The following CNTN1 variants were observed in gnomAD, a reference collection of about 807,000 sequenced individuals.
The protein encoded by CNTN1 is contactin 1.
In CNTN1, 38 loss-of-function variants were observed where a neutral mutation model predicts 126.4. The observed-to-expected ratio is 0.30, with a 90% CI of 0.23 to 0.39. CNTN1 has a LOEUF of 0.39. Ranked by LOEUF, CNTN1 falls within the 10% of genes least tolerant of loss-of-function variation. The pLI is 1.00. For synonymous variants in CNTN1, 413 were observed against 422.6 expected (o/e 0.98, Z 0.28); for missense variants, 1,009 against 1,248.4 (o/e 0.81, Z 2.89).
chr12:40,807,986 C>G (rs1406440020), intron 1 of CNTN1, among the ~76,000 whole-genome samples: 1 of 152,078 alleles, frequency 6.6e-6, no homozygotes, highest in Non-Finnish European at 1.5e-5. Context: ...TTTCCAAATT[C>G]TTTGTTTACT....
At chr12:41,051,272 C>G (rs1028322041) in intron 23 of CNTN1, among the ~76,000 whole-genome samples, 4 of 151,382 alleles carry the variant, frequency 2.6e-5, no homozygotes, top group African/African-American at 9.7e-5. Context: ...CTCAGCCTCC[C>G]AAGTAGCTGG....
chr12:41,034,150 T>C lies in CNTN1; in HGVS notation c.2980+4931T>C, dbSNP rs183449932. On this transcript the variant is annotated intron_variant, in intron 23 of 23. Coordinates refer to ENST00000551295, the MANE Select transcript of CNTN1 (RefSeq NM_001843.4). ...TAGATTCTAAAAGAGCAAGGCATTTTTTCCATTTGATTTAAAGTTACTATA... is the reference window on the plus strand; with the variant it reads ...TAGATTCTAAAAGAGCAAGGCATTTCTTCCATTTGATTTAAAGTTACTATA... Among the ~76,000 whole-genome samples the C allele has an allele frequency of 3.7e-4, 57 of 152,332 alleles. 1 individual carries two copies. In the East Asian group the frequency reaches 9.6e-3, roughly 26 times the overall value.
chr12:41,010,659 T>C lies in CNTN1; in HGVS notation c.2114-3569T>C, dbSNP rs75514788. Among the ~76,000 whole-genome samples, 616 of 152,318 alleles carry C rather than the reference T, an allele frequency of 4.0e-3. 4 individuals carry two copies. Among genetic ancestry groups the C allele is most frequent in the African/African-American group, 0.014 (589 of 41,572 alleles). On this transcript the variant is annotated intron_variant, in intron 17 of 23. Coordinates refer to ENST00000551295, the MANE Select transcript of CNTN1 (RefSeq NM_001843.4). Reference sequence around the variant, plus strand: ...CTTAGGATGAGCTGTCCTCGACTGATTCAGGGGATAAAGGTATGTTTTATG... The same window carrying C: ...CTTAGGATGAGCTGTCCTCGACTGACTCAGGGGATAAAGGTATGTTTTATG...
chr12:41,070,259 G>T lies in CNTN1; in HGVS notation c.*224G>T. The T allele has an allele frequency of 1.7e-6, 1 of 573,176 alleles. No individual in the cohort carries two copies. The highest frequency in any genetic ancestry group is 3.1e-6 in the Non-Finnish European group (1 of 320,260). 35.5% of individuals were successfully genotyped at this position (573,176 alleles called of 1,614,324 possible). A position where few individuals can be genotyped will look rare whatever the true frequency, so the allele number is the denominator to read the frequency against. The stretch of plus-strand genomic sequence containing the variant: ...AATGGATATAAATGATTTTTAACTC[G>T]TTCCAATATGCCTTATAAACCACTT... On this transcript the variant is annotated 3_prime_UTR_variant, in exon 24 of 24. Transcript: ENST00000551295.
intron 1 of CNTN1, among the ~76,000 whole-genome samples, chr12:40,818,895 C>T (rs1941345873): frequency 6.6e-6 from 1 of 151,866 alleles, no homozygotes; most frequent in African/African-American, 2.4e-5. Context: ...CTATTTTTGT[C>T]ACTTTGTCCT....
intron 16 of CNTN1, among the ~76,000 whole-genome samples, chr12:40,981,714 A>G (rs1947827289): frequency 6.6e-6 from 1 of 152,084 alleles, no homozygotes; most frequent in Admixed American, 6.6e-5. Context: ...ACAATATCAC[A>G]CATTAATACA....
chr12:41,027,945 T>G lies in CNTN1; in HGVS notation c.2799T>G (p.Asn933Lys). ...ITWDHVVALS[N>K]ESTVTGYKVL... The stretch of plus-strand genomic sequence containing the variant: ...GGGATCATGTCGTTGCACTATCAAA[T>G]GAATCTACAGTGACGGGATATAAGG... Residue 933 changes from asparagine (N) to lysine (K), a missense_variant, in exon 22 of 24, where the codon AAT becomes AAG. By Grantham distance (94) the Asn-to-Lys change is moderately conservative. Coordinates refer to ENST00000551295, the MANE Select transcript of CNTN1 (RefSeq NM_001843.4). 1 of 1,607,464 alleles carries G rather than the reference T, an allele frequency of 6.2e-7. No individual in the cohort carries two copies. Among genetic ancestry groups the G allele is most frequent in the Non-Finnish European group, 8.5e-7 (1 of 1,173,994 alleles).
At chr12:40,860,368 C>T (rs749944272) in intron 1 of CNTN1, among the ~76,000 whole-genome samples, 14 of 151,992 alleles carry the variant, frequency 9.2e-5, no homozygotes, top group Non-Finnish European at 2.1e-4. Context: ...CTCTGGACAC[C>T]AACTGGGTGT....
chr12:40,831,258 T>C (rs561163404), intron 1 of CNTN1, among the ~76,000 whole-genome samples: 14 of 150,992 alleles, frequency 9.3e-5, no homozygotes, highest in African/African-American at 3.4e-4. Context: ...TAGTTACAGA[T>C]TACTTATGGA....
chr12:40,800,896 A>G (rs1316570638), intron 1 of CNTN1, among the ~76,000 whole-genome samples: 1 of 152,012 alleles, frequency 6.6e-6, no homozygotes, highest in Non-Finnish European at 1.5e-5. Context: ...AGAGAATTCA[A>G]GTAGGTTAGG....
At chr12:40,915,422 C>T (rs1212691127) in intron 3 of CNTN1, among the ~76,000 whole-genome samples, 2 of 152,138 alleles carry the variant, frequency 1.3e-5, no homozygotes, top group Non-Finnish European at 2.9e-5. Flanking sequence ...GAAGCAGACA[C>T]TAGACAGGCC....
chr12:41,028,017 G>T, intron 22 of CNTN1, 48 bp downstream of exon 22: 1 of 1,344,578 alleles, frequency 7.4e-7, no homozygotes, highest in Non-Finnish European at 1.1e-6. Flanking sequence ...TGCTATTTCA[G>T]TGAAACCCAA....
intron 1 of CNTN1, among the ~76,000 whole-genome samples, chr12:40,858,775 C>T (rs960025754): frequency 4.6e-5 from 7 of 152,130 alleles, no homozygotes; most frequent in South Asian, 2.1e-4. Flanking sequence ...GGTATATATA[C>T]ACCATGGAAT....
intron 15 of CNTN1, chr12:40,972,573 A>G: frequency 6.5e-6 from 5 of 774,194 alleles, no homozygotes; most frequent in Non-Finnish European, 7.8e-6. Context: ...ATATAGTTTA[A>G]CTTTAAAAAT....
At chr12:40,979,191 G>C (rs185897292) in intron 15 of CNTN1, 3 of 151,974 alleles carry the variant, frequency 2.0e-5, no homozygotes, top group Non-Finnish European at 4.4e-5. Context: ...ATAAAAGTTC[G>C]CTTGCTTTTC....
chr12:40,896,953 A>G (rs181785854), intron 1 of CNTN1, among the ~76,000 whole-genome samples: 237 of 152,348 alleles, frequency 1.6e-3, no homozygotes, highest in African/African-American at 5.4e-3. Context: ...AATAGTAGCT[A>G]CATCATTTGT....
chr12:40,925,605 A>G (rs1386862379), intron 6 of CNTN1, among the ~76,000 whole-genome samples: 1 of 144,260 alleles, frequency 6.9e-6, no homozygotes, highest in African/African-American at 2.5e-5. Context: ...ATATATATAT[A>G]CGTGTATATA....
chr12:40,922,201 TAG>T (rs1182201175), intron 4 of CNTN1, 53 bp from the exon 5 acceptor site: 3 of 1,492,306 alleles, frequency 2.0e-6, no homozygotes, highest in Non-Finnish European at 2.8e-6. Context: ...GTTAGCTCCG[TAG>T]AGTTTCTAGG....
rs1281080895 is a variant in CNTN1, at chr12:41,008,401, G to A, written c.2114-5827G>A. ...CTTTATCAGAAGTGTTGATATAAAA[G>A]CAACATTTTTTTTTCTTTGAGAAAA... On this transcript the variant is annotated intron_variant, in intron 17 of 23. Coordinates refer to ENST00000551295, the MANE Select transcript of CNTN1 (RefSeq NM_001843.4). Among the ~76,000 whole-genome samples the A allele has an allele frequency of 3.4e-5, 5 of 145,970 alleles. No homozygotes were observed. The South Asian group carries it at 8.3e-4, about 24-fold the overall frequency.
Sources: gnomAD v4.1 joint callset for allele counts (sites outside exome capture counted in the v4.1 genomes callset) on GRCh38, gnomAD v4.1.1 for gene constraint, MANE v1.5 for transcripts, NCBI Gene and HGNC (gene_info 2026-07-23, HGNC 2026-07-21) for gene names.